The following MAML2 variants were observed in gnomAD, a reference collection of about 807,000 sequenced individuals.
The protein encoded by MAML2 is mastermind like transcriptional coactivator 2, also known as mastermind-like protein 2.
MAML2 carries 22 observed loss-of-function variants against 96.1 expected under a neutral mutation model. The observed-to-expected ratio is 0.23, with a 90% CI of 0.16 to 0.33. The LOEUF (loss-of-function observed/expected upper bound fraction) is 0.33. MAML2 is among the 10% of genes least tolerant of loss of function. The probability of loss-of-function intolerance (pLI) is 1.00; values close to 1 mark genes in which losing one functional copy is unlikely to be tolerated. For synonymous variants in MAML2, 561 were observed against 521.3 expected (o/e 1.08, Z -1.04); for missense variants, 1,367 against 1,392.4 (o/e 0.98, Z 0.29).
intron 2 of MAML2, among the ~76,000 whole-genome samples, chr11:96,081,146 G>A (rs1419016090): frequency 6.6e-6 from 1 of 152,014 alleles, no homozygotes; most frequent in South Asian, 2.1e-4. Flanking sequence ...GGAGGATAAG[G>A]GATGAAAGAC....
chr11:96,182,252 C>A (rs1303938019), intron 1 of MAML2, among the ~76,000 whole-genome samples: 3 of 152,118 alleles, frequency 2.0e-5, no homozygotes, highest in Non-Finnish European at 1.5e-5. Context: ...CTACAAATAT[C>A]GAAACAATGG....
chr11:96,171,347 C>T (rs1417075453), intron 1 of MAML2, among the ~76,000 whole-genome samples: 5 of 152,132 alleles, frequency 3.3e-5, no homozygotes, highest in Admixed American at 3.3e-4. Context: ...TTATTCCCCT[C>T]GTGTTTCAAG....
chr11:96,017,731 T>C (rs1324175746), intron 2 of MAML2, among the ~76,000 whole-genome samples: 1 of 151,904 alleles, frequency 6.6e-6, no homozygotes, highest in Non-Finnish European at 1.5e-5. Context: ...GGATTTCAAG[T>C]CCTGAGTTCT....
At position 96,284,885 on chromosome 11, in the gene MAML2, T is replaced by A. The variant is rs138896418; in HGVS notation, c.513+56498A>T. Among the ~76,000 whole-genome samples the A allele has an allele frequency of 9.4e-3, 1,439 of 152,332 alleles. 11 individuals carry two copies. The highest frequency in any genetic ancestry group is 0.014 in the Non-Finnish European group (964 of 68,024). On this transcript the variant is annotated intron_variant, in intron 1 of 4. Transcript: ENST00000524717. ...ACCTGTAATGTGCTGAACATTCTAA[T>A]CACTTTAGAAATGTTTTATATGGTA...
At chr11:96,182,321 T>C (rs1336318410) in intron 1 of MAML2, among the ~76,000 whole-genome samples, 1 of 152,182 alleles carries the variant, frequency 6.6e-6, no homozygotes, top group Non-Finnish European at 1.5e-5. Context: ...TCCAGAGCCT[T>C]ACGCATTCAA....
intron 2 of MAML2, among the ~76,000 whole-genome samples, chr11:96,032,926 A>T (rs1590972008): frequency 6.6e-6 from 1 of 152,212 alleles, no homozygotes; most frequent in South Asian, 2.1e-4. Context: ...TATAAAGGTG[A>T]TGAAAATTCT....
intron 2 of MAML2, among the ~76,000 whole-genome samples, chr11:96,012,732 T>C (rs1858285574): frequency 6.6e-6 from 1 of 152,208 alleles, no homozygotes. Flanking sequence ...CAATGATAAG[T>C]TGCTATAATT....
intron 2 of MAML2, among the ~76,000 whole-genome samples, chr11:95,998,260 T>C (rs1052360880): frequency 1.3e-5 from 2 of 152,004 alleles, no homozygotes; most frequent in Non-Finnish European, 2.9e-5. Flanking sequence ...AAAGTGCACT[T>C]TCTTCTACCA....
chr11:96,340,453 C>G (rs1863977642), intron 1 of MAML2, among the ~76,000 whole-genome samples: 1 of 152,228 alleles, frequency 6.6e-6, no homozygotes, highest in African/African-American at 2.4e-5. Context: ...AGCCTGCAAA[C>G]AGCAGGCAGT....
At chr11:96,312,983 T>C (rs900714725) in intron 1 of MAML2, among the ~76,000 whole-genome samples, 4 of 152,264 alleles carry the variant, frequency 2.6e-5, no homozygotes, top group African/African-American at 9.6e-5. Context: ...CTATATTTTC[T>C]ACTTTCCCCA....
At chr11:96,011,138 G>A (rs1438974719) in intron 2 of MAML2, among the ~76,000 whole-genome samples, 1 of 152,170 alleles carries the variant, frequency 6.6e-6, no homozygotes, top group East Asian at 1.9e-4. Flanking sequence ...TTGTAGTTCA[G>A]CCACTGTGGA....
At chr11:96,279,767 C>T (rs1387330870) in intron 1 of MAML2, among the ~76,000 whole-genome samples, 1 of 152,128 alleles carries the variant, frequency 6.6e-6, no homozygotes, top group African/African-American at 2.4e-5. Flanking sequence ...GCTTTAAAGC[C>T]ACCCTCCTGA....
intron 2 of MAML2, among the ~76,000 whole-genome samples, chr11:96,056,670 T>A (rs186185963): frequency 1.3e-5 from 2 of 152,322 alleles, no homozygotes. Context: ...GTATACAGTA[T>A]CAATAAAATG....
intron 1 of MAML2, among the ~76,000 whole-genome samples, chr11:96,238,681 C>A (rs1172252986): frequency 6.6e-6 from 1 of 152,086 alleles, no homozygotes; most frequent in East Asian, 1.9e-4. Context: ...TTTAATGAGC[C>A]AGAAATTACT....
chr11:96,068,255 T>A (rs931299834), intron 2 of MAML2, among the ~76,000 whole-genome samples: 1 of 152,216 alleles, frequency 6.6e-6, no homozygotes, highest in Non-Finnish European at 1.5e-5. Flanking sequence ...TTCCCCCTTA[T>A]GACTTTCTCT....
At chr11:96,206,943 C>T (rs16923268) in intron 1 of MAML2, among the ~76,000 whole-genome samples, 2,051 of 152,156 alleles carry the variant, frequency 0.013, 54 homozygotes, top group African/African-American at 0.047. Context: ...ATATAGACCA[C>T]GATGAAGTGT....
chr11:96,225,794 C>T (rs557928664), intron 1 of MAML2, among the ~76,000 whole-genome samples: 25 of 151,996 alleles, frequency 1.6e-4, no homozygotes, highest in African/African-American at 5.6e-4. Context: ...AAATGGGCCA[C>T]TGTACCCCAC....
intron 3 of MAML2, 120 bp downstream of exon 3, chr11:95,991,400 A>T: frequency 2.2e-6 from 2 of 921,596 alleles, no homozygotes; most frequent in Non-Finnish European, 3.5e-6. Flanking sequence ...ATCCTCTCTT[A>T]CAGTCAGCAC....
At chr11:96,159,535 C>A (rs994488174) in intron 1 of MAML2, among the ~76,000 whole-genome samples, 1 of 151,612 alleles carries the variant, frequency 6.6e-6, no homozygotes, top group Non-Finnish European at 1.5e-5. Context: ...ACGCCACTCT[C>A]CCGCCTCAGC....
Sources: gnomAD v4.1 joint callset for allele counts (sites outside exome capture counted in the v4.1 genomes callset) on GRCh38, gnomAD v4.1.1 for gene constraint, MANE v1.5 for transcripts, NCBI Gene and HGNC (gene_info 2026-07-23, HGNC 2026-07-21) for gene names.